Variants in PTK2B observed in about 807,000 individuals in gnomAD.
The protein encoded by PTK2B is protein-tyrosine kinase 2-beta.
In PTK2B, 71 loss-of-function variants were observed where a neutral mutation model predicts 142.9. The ratio of observed to expected loss-of-function variants is 0.50; its 90% CI spans 0.41 to 0.61. PTK2B has a LOEUF of 0.61. Ranked by LOEUF, PTK2B falls within the 20% of genes least tolerant of loss-of-function variation. PTK2B has a pLI of 0.00. For synonymous variants in PTK2B, 519 were observed against 503.4 expected (o/e 1.03, Z -0.42); for missense variants, 1,105 against 1,320.4 (o/e 0.84, Z 2.53).
intron 27 of PTK2B, chr8:27,451,960 G>A (rs962275562): frequency 5.3e-5 from 11 of 207,226 alleles, no homozygotes; most frequent in Non-Finnish European, 7.8e-5. Flanking sequence ...AGACCCTGTT[G>A]CAGGCAGGGA....
intron 2 of PTK2B, among the ~76,000 whole-genome samples, chr8:27,418,749 C>T (rs758920415): frequency 3.9e-5 from 6 of 152,100 alleles, no homozygotes; most frequent in East Asian, 3.9e-4. Flanking sequence ...CACCAAAGTC[C>T]GGGCGCGGTG....
intron 24 of PTK2B, among the ~76,000 whole-genome samples, chr8:27,447,929 G>T (rs947506334): frequency 1.6e-4 from 25 of 152,328 alleles, no homozygotes; most frequent in Admixed American, 1.6e-3. Flanking sequence ...ATTGCTGGAC[G>T]CTGTCCTCGG....
upstream of PTK2B, among the ~76,000 whole-genome samples, chr8:27,321,818 A>G (rs1803223470): frequency 6.6e-6 from 1 of 152,130 alleles, no homozygotes; most frequent in African/African-American, 2.4e-5. Context: ...GAAAAGAGAA[A>G]GTTCTTTTTT....
At chr8:27,314,141 A>G (rs374429874) in intron 3 of PTK2B, among the ~76,000 whole-genome samples, 3 of 152,338 alleles carry the variant, frequency 2.0e-5, no homozygotes, top group African/African-American at 7.2e-5. Flanking sequence ...TCAGTTTATT[A>G]ACATTAGCTC....
At chr8:27,433,411 C>A in intron 10 of PTK2B, 24 bp from the exon 11 acceptor site, 2 of 1,598,270 alleles carry the variant, frequency 1.3e-6, no homozygotes, top group Non-Finnish European at 1.7e-6. Context: ...GGGGTCTCAC[C>A]CTTGGCTGGT....
At chr8:27,435,976 A>G (rs552299473) in intron 14 of PTK2B, among the ~76,000 whole-genome samples, 183 bp downstream of exon 14, 3 of 152,074 alleles carry the variant, frequency 2.0e-5, no homozygotes, top group African/African-American at 7.2e-5. Flanking sequence ...TTCTCTCCCT[A>G]TACTGATTGA....
intron 1 of PTK2B, among the ~76,000 whole-genome samples, chr8:27,378,037 A>G (rs921656242): frequency 3.9e-5 from 6 of 152,232 alleles, no homozygotes; most frequent in African/African-American, 1.2e-4. Context: ...AAATTATCTG[A>G]CATTCCCTTT....
At chr8:27,404,618 G>A (rs1369953508) in intron 2 of PTK2B, among the ~76,000 whole-genome samples, 1 of 152,100 alleles carries the variant, frequency 6.6e-6, no homozygotes. Flanking sequence ...ATGCAGCCTG[G>A]TCCACACACA....
At position 27,443,000 on chromosome 8, in the gene PTK2B, C is replaced by G. The variant is rs751969520; in HGVS notation, c.2148+17C>G. On this transcript the variant is annotated intron_variant, in intron 22 of 30. Coordinates refer to ENST00000346049, the MANE Select transcript of PTK2B (RefSeq NM_173176.3). ...CCACCCAAGGTAAGCCAAGCCATGG[C>G]CTCATAAGTCCTGTGAGTCAAAGCA... 1.9e-6 allele frequency: 3 copies of G among 1,591,550 alleles called. No homozygotes were observed. The South Asian group carries it at 3.3e-5, about 18-fold the overall frequency.
At chr8:27,409,480 G>C (rs1021018159) in intron 2 of PTK2B, among the ~76,000 whole-genome samples, 1 of 152,166 alleles carries the variant, frequency 6.6e-6, no homozygotes, top group East Asian at 1.9e-4. Context: ...TGTGTTGGGG[G>C]CGAAGAAAGA....
chr8:27,339,473 G>A (rs1040342416), intron 1 of PTK2B, among the ~76,000 whole-genome samples: 2 of 152,178 alleles, frequency 1.3e-5, no homozygotes, highest in African/African-American at 4.8e-5. Context: ...AAGAAAATGT[G>A]TCAGCTGGCA....
In PTK2B at chr8:27,363,899, C is replaced by T. The variant is rs967299660; in HGVS notation, c.-37-33649C>T. Among the ~76,000 whole-genome samples the T allele has an allele frequency of 5.9e-5, 9 of 152,182 alleles. No individual in the cohort carries two copies. The highest frequency in any genetic ancestry group is 1.9e-4 in the African/African-American group (8 of 41,434). ...CTGGAGATGAGGAAGTGAGGAAATA[C>T]CCAGGGCGCTGCAGGGCTAAGATTA... On this transcript the variant is annotated intron_variant, in intron 1 of 30. Coordinates refer to ENST00000346049, the MANE Select transcript of PTK2B (RefSeq NM_173176.3). This position sits in a 1 kb window ranked among gnomAD's most constrained non-coding sequence, Gnocchi z 4.3.
At chr8:27,438,396 C>G (rs991318769) in intron 18 of PTK2B, among the ~76,000 whole-genome samples, 1 of 21,670 alleles carries the variant, frequency 4.6e-5, no homozygotes, top group Non-Finnish European at 9.6e-5. Flanking sequence ...CCATGAGAAC[C>G]TGACCCCCAA....
chr8:27,395,862 G>GTT (rs1808014841), intron 1 of PTK2B, among the ~76,000 whole-genome samples: 1 of 152,156 alleles, frequency 6.6e-6, no homozygotes, highest in Non-Finnish European at 1.5e-5. Flanking sequence ...TGGATTCCTT[G>GTT]TTGAAGGTCA....
At chr8:27,421,296 ATTTATTT>A (rs1809733001) in intron 4 of PTK2B, among the ~76,000 whole-genome samples, 2 of 65,470 alleles carry the variant, frequency 3.1e-5, no homozygotes, top group African/African-American at 8.5e-5. Context: ...TTATTTATTT[ATTTATTT>A]ATTTATTTAT....
intron 1 of PTK2B, among the ~76,000 whole-genome samples, chr8:27,368,941 G>C (rs1255472133): frequency 6.6e-6 from 1 of 152,200 alleles, no homozygotes. Context: ...AGATCCAGGA[G>C]TGTCTCCCCT....
chr8:27,329,920 A>G (rs750378289), intron 1 of PTK2B, among the ~76,000 whole-genome samples: 7 of 152,120 alleles, frequency 4.6e-5, no homozygotes, highest in Non-Finnish European at 7.4e-5. Context: ...GAGATAGTGT[A>G]CATTAGAGAG....
Position 27,431,402 on chromosome 8 carries a change from G to A in PTK2B, c.815G>A (p.Gly272Glu), listed in dbSNP as rs1403378549. Residue 272 changes from glycine to glutamate, a missense_variant, in exon 9 of 31, where the codon GGA becomes GAA. Transcript: ENST00000346049. ...TCCACTCTCCTTTTATTCCAGCAAGGATGGAACATTACTGTGGACCTGGTC... is the reference window on the plus strand; with the variant it reads ...TCCACTCTCCTTTTATTCCAGCAAGAATGGAACATTACTGTGGACCTGGTC... Reference protein sequence around the residue: ...QETYRCELIQGWNITVDLVIG... With the variant: ...QETYRCELIQEWNITVDLVIG... 4 of 1,614,224 alleles carry A rather than the reference G, an allele frequency of 2.5e-6. No individual in the cohort carries two copies. Among genetic ancestry groups the A allele is most frequent in the Non-Finnish European group, 8.5e-7 (1 of 1,180,040 alleles).
chr8:27,342,884 G>T (rs537220402), intron 1 of PTK2B, among the ~76,000 whole-genome samples: 3 of 152,148 alleles, frequency 2.0e-5, no homozygotes, highest in Non-Finnish European at 4.4e-5. Flanking sequence ...CAGTGAGAAG[G>T]GCCTGAGAAA....
Sources: allele counts gnomAD v4.1 joint callset (sites outside exome capture counted in the v4.1 genomes callset), GRCh38; gene constraint gnomAD v4.1.1; non-coding constraint Gnocchi (gnomAD v3.1); transcripts MANE v1.5; gene names NCBI Gene and HGNC (gene_info 2026-07-23, HGNC 2026-07-21).